CHAD: variants seen among roughly 807,000 people sequenced by gnomAD.
The protein encoded by CHAD is cartilage leucine-rich protein.
A neutral mutation model predicts 24.0 loss-of-function variants in CHAD; 18 were observed. The observed-to-expected ratio is 0.75, with a 90% CI of 0.52 to 1.11. The LOEUF (loss-of-function observed/expected upper bound fraction) is 1.11. Among genes scored for constraint, CHAD ranks in the 50% most tolerant of loss-of-function variants. The pLI is 0.00. For missense variants in CHAD, 440 were observed against 467.2 expected (o/e 0.94, Z 0.54); for synonymous variants, 195 against 211.6 (o/e 0.92, Z 0.68).
chr17:50,465,192 T>C (rs2032619173), intron 3 of CHAD, 102 bp downstream of exon 3: 4 of 1,397,806 alleles, frequency 2.9e-6, no homozygotes, highest in Non-Finnish European at 3.9e-6. Flanking sequence ...AAATGGAGGG[T>C]CTGCCTGACC....
Position 50,468,123 on chromosome 17 carries a change from G to A in CHAD, c.691C>T (p.Leu231=), listed in dbSNP as rs267604950. The A allele has an allele frequency of 6.2e-7, 1 of 1,614,134 alleles. No individual in the cohort carries two copies. Residue 231 remains leucine, a synonymous_variant, in exon 1 of 4, where the codon CTG becomes TTG. Transcript: ENST00000508540. The part of the protein sequence containing the change: ...VEELKLSHNP[L]KSIPDNAFQS... ...AAGGCATTGTCCGGGATGCTTTTCAGGGGGTTGTGGGACAGCTTCAGCTCC... is the reference window on the plus strand; with the variant it reads ...AAGGCATTGTCCGGGATGCTTTTCAAGGGGTTGTGGGACAGCTTCAGCTCC...
intron 1 of CHAD, among the ~76,000 whole-genome samples, chr17:50,466,943 C>G (rs553722363): frequency 5.3e-5 from 8 of 152,300 alleles, no homozygotes; most frequent in African/African-American, 1.7e-4. Context: ...TGAGCAGGCT[C>G]CTTCCACCCA....
At chr17:50,466,638 CA>C (rs1384021564) in intron 1 of CHAD, among the ~76,000 whole-genome samples, 1 of 152,222 alleles carries the variant, frequency 6.6e-6, no homozygotes, top group Non-Finnish European at 1.5e-5. Flanking sequence ...CCCACAGTCC[CA>C]GGGTCCCAGG....
In CHAD at chr17:50,465,383, A is replaced by G; in HGVS notation, c.995T>C (p.Phe332Ser). The G allele has an allele frequency of 1.2e-6, 2 of 1,613,840 alleles. No homozygotes were observed. The highest frequency in any genetic ancestry group is 1.7e-6 in the Non-Finnish European group (2 of 1,179,972). The change falls in exon 3 of 4, where the codon TTC (phenylalanine) becomes TCC (serine). Residue 332 changes from phenylalanine to serine, a missense_variant. Physicochemically the swap from Phe to Ser is radical, Grantham distance 155 (BLOSUM62 -2). Transcript: ENST00000508540. Reference protein sequence around the residue: ...PDATCASPAKFKGQHIRDTDA... With the variant: ...PDATCASPAKSKGQHIRDTDA... ...CGTGTCACGGATGTGCTGGCCCTTG[A>G]ACTTGGCAGGTGAGGCACAGGTGGC...
rs373121361 is a variant in CHAD at position 50,468,553 on chromosome 17, G to T, written c.261C>A (p.Ile87=). The change falls in exon 1 of 4, where the codon ATC becomes ATA. Residue 87 remains isoleucine (I), a synonymous_variant. Coordinates refer to ENST00000508540, the MANE Select transcript of CHAD (RefSeq NM_001267.3). The part of the protein sequence containing the change: ...LVSLHLQHCQ[I]REVAAGAFRG... ...GGAAGGCACCGGCGGCCACCTCGCG[G>T]ATCTGGCAGTGCTGCAGGTGCAATG... 8.7e-6 allele frequency: 14 copies of T among 1,614,144 alleles called. No individual in the cohort carries two copies. Among genetic ancestry groups the T allele is most frequent in the Non-Finnish European group, 1.2e-5 (14 of 1,180,050 alleles).
rs764751128 is a variant in CHAD at position 50,468,245 on chromosome 17, G to T, written c.569C>A (p.Ala190Asp). The change falls in exon 1 of 4, where the codon GCC (alanine) becomes GAC (aspartate). Residue 190 changes from alanine (A) to aspartate (D), a missense_variant. Transcript: ENST00000508540. ...GGCGAGGTTCTCCACGTCGTCCAGG[G>T]CCCCGGGCTGCAGGGAGCTCAACGC... ...ENALSSLQPGALDDVENLAKF... is the reference protein window; with the variant it reads ...ENALSSLQPGDLDDVENLAKF... 3.6e-5 allele frequency: 58 copies of T among 1,611,716 alleles called. No individual in the cohort carries two copies. The highest frequency in any genetic ancestry group is 4.7e-5 in the Non-Finnish European group (55 of 1,178,184).
intron 1 of CHAD, among the ~76,000 whole-genome samples, chr17:50,466,073 CTT>C (rs10707664): frequency 0.038 from 4,521 of 119,994 alleles, 126 homozygotes; most frequent in South Asian, 0.096. Flanking sequence ...GTGTTATTTT[CTT>C]TTTTTTTTTT....
intron 1 of CHAD, 147 bp from the exon 2 acceptor site, chr17:50,466,017 G>A: frequency 1.4e-6 from 1 of 726,902 alleles, no homozygotes; most frequent in East Asian, 2.7e-5. Flanking sequence ...GTATGACCAA[G>A]TGATCTCAGA....
At position 50,468,166 on chromosome 17, in the gene CHAD, G is replaced by T. The variant is rs769764665; in HGVS notation, c.648C>A (p.Ser216Arg). Residue 216 changes from serine (S) to arginine (R), a missense_variant, in exon 1 of 4, where the codon AGC becomes AGA. By Grantham distance (110) the Ser-to-Arg change is moderately radical. Transcript: ENST00000508540. ...TCAGCTCCTCCACCACCCGTAGCTT[G>T]CTCAGGGCAGCTGAGGGGTAGCTGG... ...QLSSYPSAAL[S>R]KLRVVEELKL... is the part of the protein sequence containing the mutation. 2.5e-6 allele frequency: 4 copies of T among 1,614,068 alleles called. No homozygotes were observed. Among genetic ancestry groups the T allele is most frequent in the Admixed American group, 3.3e-5 (2 of 60,006 alleles).
In CHAD at chr17:50,464,868, C is replaced by T; in HGVS notation, c.*186G>A. 2.8e-6 allele frequency: 1 copy of T among 354,462 alleles called. No individual in the cohort carries two copies. Among genetic ancestry groups the T allele is most frequent in the Non-Finnish European group, 5.5e-6 (1 of 181,152 alleles). 22.0% of individuals were successfully genotyped at this position (354,462 alleles called of 1,614,324 possible). A position where few individuals can be genotyped will look rare whatever the true frequency, so the allele number is the denominator to read the frequency against. ...CTCAGCCTTCCTTCTCCCCAGGACA[C>T]TGCTGGGTGGAGCTGGGTTGGTAGT... On this transcript the variant is annotated 3_prime_UTR_variant, in exon 4 of 4. Transcript: ENST00000508540.
At position 50,468,851 on chromosome 17, in the gene CHAD, G is replaced by A; in HGVS notation, c.-38C>T. The A allele has an allele frequency of 6.9e-7, 1 of 1,451,824 alleles. No homozygotes were observed. The highest frequency in any genetic ancestry group is 2.5e-4 in the Middle Eastern group (1 of 4,060). 89.9% of individuals were successfully genotyped at this position (1,451,824 alleles called of 1,614,324 possible). A position where few individuals can be genotyped will look rare whatever the true frequency, so the allele number is the denominator to read the frequency against. On this transcript the variant is annotated 5_prime_UTR_variant, in exon 1 of 4. Coordinates refer to ENST00000508540, the MANE Select transcript of CHAD (RefSeq NM_001267.3). Reference sequence around the variant, plus strand: ...TGGGGCCGGGGCTGGGGGCAGCAGCGGCGGCGGGGCGCGGGCAGCGGCGAG... The same window carrying A: ...TGGGGCCGGGGCTGGGGGCAGCAGCAGCGGCGGGGCGCGGGCAGCGGCGAG...
In CHAD at chr17:50,468,308, C is replaced by T; in HGVS notation, c.506G>A (p.Gly169Glu). ...IRELRAGAFQ[G>E]AKDLRWLYLS... The stretch of plus-strand genomic sequence containing the variant: ...GTAGAGCCAGCGCAGGTCCTTGGCT[C>T]CCTGGAAGGCGCCTGCGCGCAGCTC... Residue 169 changes from glycine (G) to glutamate (E), a missense_variant, in exon 1 of 4, where the codon GGA (glycine) becomes GAA (glutamate). Physicochemically the swap from Gly to Glu is moderately conservative, Grantham distance 98. Coordinates refer to ENST00000508540, the MANE Select transcript of CHAD (RefSeq NM_001267.3). The T allele has an allele frequency of 6.2e-7, 1 of 1,613,960 alleles. No individual in the cohort carries two copies. The highest frequency in any genetic ancestry group is 8.5e-7 in the Non-Finnish European group (1 of 1,179,872).
intron 1 of CHAD, among the ~76,000 whole-genome samples, chr17:50,466,150 G>A (rs1057270437): frequency 7.0e-6 from 1 of 142,708 alleles, no homozygotes; most frequent in African/African-American, 2.7e-5. Flanking sequence ...ACAGTGGCAC[G>A]ATCTCAGCTC....
chr17:50,468,053 GTGT>G lies in CHAD; in HGVS notation c.758_760del (p.Asn253del). The stretch of plus-strand genomic sequence containing the variant: ...CCAGGAGCTCACCTTCTCCAGGTTG[GTGT>G]TGTCCAGCCAGAGGGTCTCCAGGTA... On this transcript the variant is annotated inframe_deletion, in exon 1 of 4. Transcript: ENST00000508540. 1 of 1,593,976 alleles carries G rather than the reference GTGT, an allele frequency of 6.3e-7. No individual in the cohort carries two copies. The highest frequency in any genetic ancestry group is 2.2e-5 in the East Asian group (1 of 44,452).
chr17:50,468,767 A>G lies in CHAD; in HGVS notation c.47T>C (p.Leu16Pro). ...GGGGCAGGCGGCCAGCGCCGGCAGC[A>G]GACCAGCCAGGAGGCCGAGGCTGAG... ...LLLSLGLLAG[L>P]LPALAACPQN... Residue 16 changes from leucine (L) to proline (P), a missense_variant, in exon 1 of 4, where the codon CTG becomes CCG. Physicochemically the swap from Leu to Pro is moderately conservative, Grantham distance 98. Coordinates refer to ENST00000508540, the MANE Select transcript of CHAD (RefSeq NM_001267.3). 6.3e-7 allele frequency: 1 copy of G among 1,587,082 alleles called. No individual in the cohort carries two copies. Among genetic ancestry groups the G allele is most frequent in the Non-Finnish European group, 8.5e-7 (1 of 1,171,000 alleles).
At position 50,468,157 on chromosome 17, in the gene CHAD, C is replaced by T; in HGVS notation, c.657G>A (p.Arg219=). 6.2e-7 allele frequency: 1 copy of T among 1,614,160 alleles called. No homozygotes were observed. The highest frequency in any genetic ancestry group is 8.5e-7 in the Non-Finnish European group (1 of 1,180,014). Residue 219 remains arginine, a synonymous_variant, in exon 1 of 4, where the codon CGG becomes CGA. Transcript: ENST00000508540. The part of the protein sequence containing the change: ...SYPSAALSKL[R]VVEELKLSHN... ...GGGACAGCTTCAGCTCCTCCACCAC[C>T]CGTAGCTTGCTCAGGGCAGCTGAGG...
rs1355883526 is a variant in CHAD at position 50,468,456 on chromosome 17, C to T, written c.358G>A (p.Asp120Asn). The change falls in exon 1 of 4, where the codon GAC (aspartate) becomes AAC (asparagine). Residue 120 changes from aspartate to asparagine, a missense_variant. Asp to Asn is a conservative substitution (Grantham distance 23, BLOSUM62 1). Coordinates refer to ENST00000508540, the MANE Select transcript of CHAD (RefSeq NM_001267.3). ...DIRVLRAGAF[D>N]DLTELTYLYL... Reference sequence around the variant, plus strand: ...AGGTAGGTCAGCTCGGTCAGGTCGTCGAAGGCACCTGCGCGCAGCACGCGG... The same window carrying T: ...AGGTAGGTCAGCTCGGTCAGGTCGTTGAAGGCACCTGCGCGCAGCACGCGG... The T allele has an allele frequency of 2.5e-6, 4 of 1,614,008 alleles. No homozygotes were observed. The East Asian group carries it at 6.7e-5, about 27-fold the overall frequency.
Position 50,465,393 on chromosome 17 carries a change from G to A in CHAD, c.985C>T (p.Pro329Ser). 13 of 1,614,092 alleles carry A rather than the reference G, an allele frequency of 8.1e-6. No individual in the cohort carries two copies. The highest frequency in any genetic ancestry group is 1.1e-5 in the Non-Finnish European group (13 of 1,180,030). Residue 329 changes from proline (P) to serine (S), a missense_variant, in exon 3 of 4, where the codon CCT (proline) becomes TCT (serine). Pro to Ser is a moderately conservative substitution (Grantham distance 74, BLOSUM62 -1). Coordinates refer to ENST00000508540, the MANE Select transcript of CHAD (RefSeq NM_001267.3). ...ATGTGCTGGCCCTTGAACTTGGCAG[G>A]TGAGGCACAGGTGGCATCTGGGCGG... ...ASRPDATCASPAKFKGQHIRD... is the reference protein window; with the variant it reads ...ASRPDATCASSAKFKGQHIRD...
Position 50,464,772 on chromosome 17 carries a change from G to T in CHAD, c.*282C>A, listed in dbSNP as rs539784859. 10 of 329,874 alleles carry T rather than the reference G, an allele frequency of 3.0e-5. 1 individual carries two copies. The highest frequency in any genetic ancestry group is 2.3e-4 in the East Asian group (3 of 12,952). 20.4% of individuals were successfully genotyped at this position (329,874 alleles called of 1,614,324 possible). On this transcript the variant is annotated 3_prime_UTR_variant, in exon 4 of 4. Transcript: ENST00000508540. Reference sequence around the variant, plus strand: ...CCTGTTGTGGTTCTGATTGACTTGGGGGGGGGGTCTCAGCAACAGCTTCTC... The same window carrying T: ...CCTGTTGTGGTTCTGATTGACTTGGTGGGGGGGTCTCAGCAACAGCTTCTC...
Sources: gnomAD v4.1 joint callset for allele counts (sites outside exome capture counted in the v4.1 genomes callset) on GRCh38, gnomAD v4.1.1 for gene constraint, MANE v1.5 for transcripts, NCBI Gene and HGNC (gene_info 2026-07-23, HGNC 2026-07-21) for gene names.